The following TPRG1 variants were observed in gnomAD, a reference collection of about 807,000 sequenced individuals.
TPRG1 encodes the protein tumor protein p63-regulated gene 1 protein.
In TPRG1, 29 loss-of-function variants were observed where a neutral mutation model predicts 29.3. The ratio of observed to expected loss-of-function variants is 0.99; its 90% CI spans 0.74 to 1.35. TPRG1 has a LOEUF of 1.35. Among genes scored for constraint, TPRG1 ranks in the 40% most tolerant of loss-of-function variants. The pLI, the probability that TPRG1 is intolerant of heterozygous loss-of-function variation, is 0.00. For missense variants in TPRG1, 327 were observed against 335.0 expected (o/e 0.98, Z 0.19); for synonymous variants, 130 against 116.8 (o/e 1.11, Z -0.73).
chr3:189,299,229 C>T (rs541922504), intron 4 of TPRG1, among the ~76,000 whole-genome samples: 85 of 152,208 alleles, frequency 5.6e-4, no homozygotes, highest in African/African-American at 2.0e-3. Flanking sequence ...AGGGAGTTGC[C>T]TCAAAATGTT....
chr3:189,288,565 T>C (rs1560655744), intron 4 of TPRG1, among the ~76,000 whole-genome samples: 1 of 152,242 alleles, frequency 6.6e-6, no homozygotes, highest in Non-Finnish European at 1.5e-5. Flanking sequence ...CTTTGCATTC[T>C]ATCTCTTCTT....
intron 5 of TPRG1, among the ~76,000 whole-genome samples, chr3:189,159,782 G>A (rs956561147): frequency 2.0e-5 from 3 of 151,702 alleles, no homozygotes; most frequent in South Asian, 2.1e-4. Flanking sequence ...AGATTCATAC[G>A]CACAGTCCTG....
chr3:189,015,529 T>G (rs968184940), intron 3 of TPRG1, among the ~76,000 whole-genome samples: 1 of 152,134 alleles, frequency 6.6e-6, no homozygotes, highest in Non-Finnish European at 1.5e-5. Flanking sequence ...ATGGGGAAAA[T>G]GCCCCCAGTG....
intron 1 of TPRG1, among the ~76,000 whole-genome samples, chr3:189,190,169 T>G (rs543536229): frequency 6.6e-6 from 1 of 152,320 alleles, no homozygotes; most frequent in African/African-American, 2.4e-5. Flanking sequence ...GAAAGAAAAC[T>G]CTAAGGAATA....
intron 4 of TPRG1, among the ~76,000 whole-genome samples, chr3:189,049,156 G>T (rs1486692406): frequency 6.6e-6 from 1 of 152,146 alleles, no homozygotes; most frequent in Admixed American, 6.5e-5. Flanking sequence ...CTAGGGGAAG[G>T]GTGGGAATAG....
At chr3:189,258,731 G>A (rs1321986943) in intron 4 of TPRG1, among the ~76,000 whole-genome samples, 1 of 152,156 alleles carries the variant, frequency 6.6e-6, no homozygotes, top group Non-Finnish European at 1.5e-5. Flanking sequence ...GAGGCAGTCT[G>A]GCTACAGCAG....
chr3:189,288,877 TG>T (rs1350909128), intron 4 of TPRG1, among the ~76,000 whole-genome samples: 1 of 152,274 alleles, frequency 6.6e-6, no homozygotes, highest in Non-Finnish European at 1.5e-5. Context: ...CAGCATAAGA[TG>T]GTCTTGCAAG....
At chr3:189,128,186 A>G (rs1285053439) in intron 2 of TPRG1, among the ~76,000 whole-genome samples, 2 of 152,198 alleles carry the variant, frequency 1.3e-5, no homozygotes, top group Non-Finnish European at 2.9e-5. Context: ...TGTACTCTTA[A>G]TGAATTCGTT....
At chr3:189,251,491 C>G (rs1204117064) in intron 4 of TPRG1, among the ~76,000 whole-genome samples, 1 of 151,998 alleles carries the variant, frequency 6.6e-6, no homozygotes, top group Non-Finnish European at 1.5e-5. Flanking sequence ...GCCCAGGGGA[C>G]CAGCGTTCAG....
chr3:189,018,745 T>C (rs1342083537), intron 3 of TPRG1, among the ~76,000 whole-genome samples: 1 of 151,404 alleles, frequency 6.6e-6, no homozygotes, highest in Non-Finnish European at 1.5e-5. Context: ...AACTTTAAAG[T>C]AGTTTTTTCC....
At chr3:189,089,126 G>T (rs1400458028) in intron 4 of TPRG1, among the ~76,000 whole-genome samples, 1 of 152,026 alleles carries the variant, frequency 6.6e-6, no homozygotes, top group Admixed American at 6.6e-5. Flanking sequence ...AGGACTAACA[G>T]TCTATAGTTT....
intron 2 of TPRG1, among the ~76,000 whole-genome samples, chr3:189,208,850 A>C (rs1049971298): frequency 3.9e-5 from 6 of 152,094 alleles, no homozygotes; most frequent in African/African-American, 1.5e-4. Context: ...TGCGATATAG[A>C]ATAAAGATTT....
In TPRG1 at chr3:189,078,068, C is replaced by CTTTCTCTCTTTCTCTCTTTCTTT. The variant is rs57725294; in HGVS notation, c.-462-48989_-462-48988insTTTCTCTCTTTCTCTCTTTCTTT. Among the ~76,000 whole-genome samples, 164 of 124,066 alleles carry CTTTCTCTCTTTCTCTCTTTCTTT rather than the reference C, an allele frequency of 1.3e-3. 1 individual carries two copies. The highest frequency in any genetic ancestry group is 5.3e-3 in the African/African-American group (153 of 29,064). 81.4% of individuals were successfully genotyped at this position (124,066 alleles called of 152,430 possible). ...CCTTCCTTCCTTCCTTCCTTTCTCT[C>CTTTCTCTCTTTCTCTCTTTCTTT]CTTTCTCTCTTTCTCTCTTTCTCTC... On this transcript the variant is annotated intron_variant, in intron 4 of 10. Coordinates refer to the TPRG1 transcript ENST00000433971.
At chr3:189,146,090 G>C (rs1040322802) in intron 3 of TPRG1, among the ~76,000 whole-genome samples, 1 of 152,190 alleles carries the variant, frequency 6.6e-6, no homozygotes, top group Non-Finnish European at 1.5e-5. Flanking sequence ...AATAGTCAGA[G>C]CTTTACTATC....
chr3:189,300,131 CT>C (rs1173619771), intron 4 of TPRG1, among the ~76,000 whole-genome samples: 1 of 152,170 alleles, frequency 6.6e-6, no homozygotes, highest in Non-Finnish European at 1.5e-5. Flanking sequence ...GGCATAAATG[CT>C]TCTTTTCTTC....
intron 5 of TPRG1, among the ~76,000 whole-genome samples, chr3:189,318,184 T>C (rs1203825470): frequency 1.3e-5 from 2 of 152,126 alleles, no homozygotes; most frequent in Non-Finnish European, 2.9e-5. Context: ...ATAGGGAGGC[T>C]GCTTAACATC....
chr3:189,245,367 C>T, intron 4 of TPRG1, among the ~76,000 whole-genome samples: 2 of 152,146 alleles, frequency 1.3e-5, no homozygotes, highest in South Asian at 4.1e-4. Flanking sequence ...CTTTTAAGTA[C>T]TACTTTTGCT....
rs1368316250 is a variant in TPRG1 at position 189,157,856 on chromosome 3, G to A, written c.-10+6984G>A. 3.3e-5 allele frequency among the ~76,000 whole-genome samples: 5 copies of A among 152,250 alleles called. No individual in the cohort carries two copies. In the South Asian group the frequency reaches 6.2e-4, roughly 19 times the overall value. On this transcript the variant is annotated intron_variant, in intron 5 of 6. Transcript: ENST00000412373. Reference sequence around the variant, plus strand: ...GACTCCCTCCATTCCTTCTCCTTCCGGCTGTAGCAAATCTGGCCTGTCTGA... The same window carrying A: ...GACTCCCTCCATTCCTTCTCCTTCCAGCTGTAGCAAATCTGGCCTGTCTGA...
At chr3:189,275,096 A>G (rs1346404813) in intron 4 of TPRG1, among the ~76,000 whole-genome samples, 1 of 152,048 alleles carries the variant, frequency 6.6e-6, no homozygotes, top group African/African-American at 2.4e-5. Flanking sequence ...GTAGAAGGGA[A>G]CAGAATCACC....
Sources: allele counts gnomAD v4.1 joint callset (sites outside exome capture counted in the v4.1 genomes callset), GRCh38; gene constraint gnomAD v4.1.1; transcripts MANE v1.5; gene names NCBI Gene and HGNC (gene_info 2026-07-23, HGNC 2026-07-21).